LRP1B: variants seen among roughly 807,000 people sequenced by gnomAD.
LRP1B encodes the protein low-density lipoprotein receptor-related protein 1B.
A neutral mutation model predicts 556.6 loss-of-function variants in LRP1B; 217 were observed. The observed-to-expected ratio is 0.39, with a 90% CI of 0.35 to 0.44. The LOEUF (loss-of-function observed/expected upper bound fraction) is 0.44. LRP1B is among the 20% of genes least tolerant of loss of function. The pLI is 1.00. For missense variants in LRP1B, 5,053 were observed against 5,620.8 expected, an observed-to-expected ratio of 0.90 and a Z score of 3.23; for synonymous variants, 2,047 against 1,865.8, an observed-to-expected ratio of 1.10 and a Z score of -2.50.
chr2:141,934,689 T>C (rs1000179983), intron 1 of LRP1B, among the ~76,000 whole-genome samples: 9 of 152,046 alleles, frequency 5.9e-5, no homozygotes, highest in Non-Finnish European at 8.8e-5. Context: ...AGTGAGCAAG[T>C]TCTGACGAGA....
intron 7 of LRP1B, among the ~76,000 whole-genome samples, chr2:141,101,314 G>A (rs1014652921): frequency 2.0e-5 from 3 of 152,100 alleles, no homozygotes; most frequent in Non-Finnish European, 4.4e-5. Flanking sequence ...CAAGGTACTA[G>A]TGTAGGAAAA....
rs759541866 is a variant in LRP1B, at chr2:140,903,168, A to T, written c.3521-3T>A. On this transcript the variant is annotated splice_polypyrimidine_tract_variant and splice_region_variant and intron_variant, in intron 22 of 90. Transcript: ENST00000389484. ...TCCATTGTTCAGCGAACACTCATCTATAAAAAGGGGGGAACAGATTATAGG... is the reference window on the plus strand; with the variant it reads ...TCCATTGTTCAGCGAACACTCATCTTTAAAAAGGGGGGAACAGATTATAGG... The T allele has an allele frequency of 1.2e-6, 2 of 1,612,586 alleles. No homozygotes were observed. The highest frequency in any genetic ancestry group is 2.2e-5 in the East Asian group (1 of 44,814).
intron 31 of LRP1B, among the ~76,000 whole-genome samples, chr2:140,824,931 T>C (rs1302066300): frequency 6.6e-6 from 1 of 152,184 alleles, no homozygotes; most frequent in Admixed American, 6.6e-5. Context: ...AATCTACTTA[T>C]GTGCCAAAAT....
chr2:141,089,174 A>G (rs1401849209), intron 7 of LRP1B, among the ~76,000 whole-genome samples: 1 of 152,226 alleles, frequency 6.6e-6, no homozygotes, highest in African/African-American at 2.4e-5. Flanking sequence ...AATAGCAGCA[A>G]CAATATACAC....
At chr2:141,683,678 A>C (rs1307142445) in intron 2 of LRP1B, among the ~76,000 whole-genome samples, 1 of 152,148 alleles carries the variant, frequency 6.6e-6, no homozygotes, top group Non-Finnish European at 1.5e-5. Context: ...AGAACTGTTT[A>C]TTAACAAGGA....
intron 2 of LRP1B, among the ~76,000 whole-genome samples, chr2:141,654,209 G>T (rs355561): frequency 0.9 from 136,712 of 152,280 alleles, 61,400 homozygotes; most frequent in East Asian, 0.91. Context: ...TAAATACGTC[G>T]AAATATTTGA....
At chr2:140,524,283 T>C (rs1027495549) in intron 49 of LRP1B, among the ~76,000 whole-genome samples, 2 of 152,014 alleles carry the variant, frequency 1.3e-5, no homozygotes, top group African/African-American at 4.8e-5. Context: ...TACCATCTCA[T>C]AGTAGTCAGA....
At chr2:141,470,825 G>A (rs1208381648) in intron 3 of LRP1B, among the ~76,000 whole-genome samples, 1 of 152,168 alleles carries the variant, frequency 6.6e-6, no homozygotes, top group Non-Finnish European at 1.5e-5. Context: ...TTAAAACAAT[G>A]ATATATTTTT....
At chr2:141,813,946 G>C (rs1696442865) in intron 1 of LRP1B, among the ~76,000 whole-genome samples, 1 of 152,096 alleles carries the variant, frequency 6.6e-6, no homozygotes, top group South Asian at 2.1e-4. Flanking sequence ...AGGAGGAGTG[G>C]GTTGACTGGT....
In LRP1B at chr2:140,541,878, G is replaced by T. The variant is rs368936963; in HGVS notation, c.7288C>A (p.Arg2430=). 1 of 1,612,434 alleles carries T rather than the reference G, an allele frequency of 6.2e-7. No individual in the cohort carries two copies. Among genetic ancestry groups the T allele is most frequent in the Middle Eastern group, 1.7e-4 (1 of 6,048 alleles). ...TCTCCTCCTGTGTACTTGTTGGACC[G>T]CAGTATAGCTCTTCTTCCCCAGTCC... ...WSDWGRRAIL[R]SNKYTGGDTK... The change falls in exon 44 of 91, where the codon CGG becomes AGG. Residue 2430 remains arginine (R), a synonymous_variant. Coordinates refer to ENST00000389484, the MANE Select transcript of LRP1B (RefSeq NM_018557.3).
chr2:141,388,279 T>C (rs1324569700), intron 3 of LRP1B, among the ~76,000 whole-genome samples: 2 of 151,938 alleles, frequency 1.3e-5, no homozygotes, highest in Non-Finnish European at 2.9e-5. Flanking sequence ...CTACTAAAAA[T>C]ACAAATATTA....
intron 2 of LRP1B, among the ~76,000 whole-genome samples, chr2:141,706,806 A>ACATCAC (rs34375107): frequency 2.0e-5 from 3 of 152,114 alleles, no homozygotes; most frequent in Non-Finnish European, 2.9e-5. Context: ...TCACTTCAAA[A>ACATCAC]TTCATTACAT....
chr2:140,329,054 A>ATATC (rs1225571999), intron 79 of LRP1B, among the ~76,000 whole-genome samples: 1 of 152,108 alleles, frequency 6.6e-6, no homozygotes, highest in African/African-American at 2.4e-5. Flanking sequence ...AAGCTTTTAA[A>ATATC]TATCAAGGAA....
Position 140,594,743 on chromosome 2 carries a change from C to T in LRP1B, c.7194+3888G>A, listed in dbSNP as rs542223963. On this transcript the variant is annotated intron_variant, in intron 43 of 90. Coordinates refer to ENST00000389484, the MANE Select transcript of LRP1B (RefSeq NM_018557.3). ...TTGCCTTCTGCTATCACTTGCTTTACCCAAAGTTAGAAAATATGCAATTAT... is the reference window on the plus strand; with the variant it reads ...TTGCCTTCTGCTATCACTTGCTTTATCCAAAGTTAGAAAATATGCAATTAT... Among the ~76,000 whole-genome samples the T allele has an allele frequency of 2.2e-4, 34 of 152,194 alleles. No individual in the cohort carries two copies. The East Asian group carries it at 5.0e-3, about 23-fold the overall frequency.
chr2:141,737,552 G>GA (rs1465761509), intron 2 of LRP1B, among the ~76,000 whole-genome samples: 1 of 152,034 alleles, frequency 6.6e-6, no homozygotes, highest in African/African-American at 2.4e-5. Context: ...TGCCTTCAGG[G>GA]AAAAAAACTG....
chr2:141,032,818 T>TACATACATACATAC (rs1698411329), intron 11 of LRP1B, among the ~76,000 whole-genome samples: 4 of 141,734 alleles, frequency 2.8e-5, no homozygotes, highest in Non-Finnish European at 6.1e-5. Context: ...TGTGTATATA[T>TACATACATACATAC]ATACATACAT....
At chr2:140,609,956 C>T (rs1321553600) in intron 41 of LRP1B, among the ~76,000 whole-genome samples, 2 of 152,104 alleles carry the variant, frequency 1.3e-5, no homozygotes, top group African/African-American at 2.4e-5. Flanking sequence ...CTGCTTCTTC[C>T]ACCTTATCTC....
At position 140,948,632 on chromosome 2, in the gene LRP1B, A is replaced by T. The variant is rs192445159; in HGVS notation, c.3136+1603T>A. Reference sequence around the variant, plus strand: ...ATATGCTTATGTTAAATCTTATAGGATGTCACAAATAATTTCTTCGTTTCT... The same window carrying T: ...ATATGCTTATGTTAAATCTTATAGGTTGTCACAAATAATTTCTTCGTTTCT... On this transcript the variant is annotated intron_variant, in intron 20 of 90. Coordinates refer to ENST00000389484, the MANE Select transcript of LRP1B (RefSeq NM_018557.3). Among the ~76,000 whole-genome samples, 7 of 152,336 alleles carry T rather than the reference A, an allele frequency of 4.6e-5. No individual in the cohort carries two copies. In the East Asian group the frequency reaches 1.4e-3, roughly 29 times the overall value.
intron 18 of LRP1B, among the ~76,000 whole-genome samples, chr2:140,952,748 G>T (rs2105304354): frequency 6.6e-6 from 1 of 152,162 alleles, no homozygotes; most frequent in South Asian, 2.1e-4. Context: ...AAGGTGAATA[G>T]CCAAAAAAGA....
Sources: allele counts gnomAD v4.1 joint callset (sites outside exome capture counted in the v4.1 genomes callset), GRCh38; gene constraint gnomAD v4.1.1; transcripts MANE v1.5; gene names NCBI Gene and HGNC (gene_info 2026-07-23, HGNC 2026-07-21).